SHISAL2B: variants seen among roughly 807,000 people sequenced by gnomAD.
The protein encoded by SHISAL2B is shisa like 2B, also known as protein shisa-like-2B.
Under a neutral mutation model 16.5 loss-of-function variants are expected in SHISAL2B, and 12 were observed. The observed-to-expected ratio is 0.73, with a 90% CI of 0.47 to 1.18. The LOEUF is 1.18. Among genes scored for constraint, SHISAL2B ranks in the 50% most tolerant of loss-of-function variants. The probability of loss-of-function intolerance (pLI) is 0.00; values close to 1 mark genes in which losing one functional copy is unlikely to be tolerated. For synonymous variants in SHISAL2B, 72 were observed against 75.0 expected (o/e 0.96, Z 0.21); for missense variants, 183 against 193.6 (o/e 0.95, Z 0.33).
rs144764877 is a variant in SHISAL2B at position 64,696,041 on chromosome 5, G to A, written c.349+377G>A. Among the ~76,000 whole-genome samples the A allele has an allele frequency of 3.7e-3, 563 of 152,294 alleles. 2 individuals carry two copies. The highest frequency in any genetic ancestry group is 0.012 in the African/African-American group (479 of 41,570). On this transcript the variant is annotated intron_variant, in intron 2 of 2. Transcript: ENST00000389074. ...GTCAGGGACCCTGAACAGAGGGACC[G>A]GCTGGAGCCACAGCAGAGGAACATA...
intron 2 of SHISAL2B, among the ~76,000 whole-genome samples, chr5:64,702,453 G>A (rs1741822924): frequency 6.6e-6 from 1 of 152,112 alleles, no homozygotes; most frequent in African/African-American, 2.4e-5. Context: ...GCCTGCCTTG[G>A]CCTCCCAAAG....
intron 1 of SHISAL2B, among the ~76,000 whole-genome samples, chr5:64,693,076 C>T (rs1267997071): frequency 4.0e-5 from 6 of 151,786 alleles, no homozygotes; most frequent in African/African-American, 1.5e-4. Context: ...GGCGCAATCT[C>T]GGCTCACTGC....
intron 2 of SHISAL2B, among the ~76,000 whole-genome samples, chr5:64,705,263 A>C (rs1272728935): frequency 6.6e-6 from 1 of 152,208 alleles, no homozygotes; most frequent in East Asian, 1.9e-4. Context: ...TGCCAGAGAA[A>C]TATATAATGG....
chr5:64,705,926 A>G (rs980257442), intron 2 of SHISAL2B, among the ~76,000 whole-genome samples: 2 of 152,216 alleles, frequency 1.3e-5, no homozygotes, highest in African/African-American at 4.8e-5. Flanking sequence ...TGGGAGGCAG[A>G]TGCGGGCAGA....
chr5:64,698,681 A>G (rs1045514374), intron 2 of SHISAL2B, among the ~76,000 whole-genome samples: 14 of 152,284 alleles, frequency 9.2e-5, no homozygotes, highest in African/African-American at 3.1e-4. Context: ...CCATTAACAT[A>G]TTATATCCTT....
chr5:64,717,938 T>TCA lies in SHISAL2B; in HGVS notation c.399_400insCA (p.Ala134GlnfsTer13). On this transcript the variant is annotated frameshift_variant, in exon 3 of 3. Coordinates refer to ENST00000389074, the MANE Select transcript of SHISAL2B (RefSeq NM_001164442.2). LOFTEE classifies it high-confidence loss of function. ...CCCTCAATTCAAATGCAGCATCAAA[T>TCA]GCAACAAATGAAACATACTATGAAG... 1 of 1,522,898 alleles carries TCA rather than the reference T, an allele frequency of 6.6e-7. No homozygotes were observed. Among genetic ancestry groups the TCA allele is most frequent in the Non-Finnish European group, 8.7e-7 (1 of 1,143,880 alleles). The allele number at this position is 1,522,898 out of a possible 1,614,324, so 94.3% of individuals were successfully genotyped here. A position where few individuals can be genotyped will look rare whatever the true frequency, so the allele number is the denominator to read the frequency against.
intron 2 of SHISAL2B, among the ~76,000 whole-genome samples, chr5:64,714,731 A>G (rs1319737202): frequency 6.6e-6 from 1 of 152,154 alleles, no homozygotes; most frequent in Non-Finnish European, 1.5e-5. Flanking sequence ...GGTGTGGGAT[A>G]TAGTCTCGTG....
chr5:64,704,470 T>G (rs1011291465), intron 2 of SHISAL2B, among the ~76,000 whole-genome samples: 4 of 152,176 alleles, frequency 2.6e-5, no homozygotes, highest in African/African-American at 7.2e-5. Context: ...TAAAGAAAGG[T>G]TGAAATTTAC....
At chr5:64,703,438 C>G (rs911844994) in intron 2 of SHISAL2B, among the ~76,000 whole-genome samples, 3 of 152,118 alleles carry the variant, frequency 2.0e-5, no homozygotes, top group African/African-American at 7.2e-5. Context: ...TGTAGAAAAT[C>G]AAATTGCTCA....
intron 1 of SHISAL2B, chr5:64,694,208 A>T: frequency 2.5e-6 from 1 of 397,606 alleles, no homozygotes; most frequent in Non-Finnish European, 4.9e-6. Flanking sequence ...AGGTAGATCA[A>T]TTGGCAGTCA....
intron 2 of SHISAL2B, among the ~76,000 whole-genome samples, chr5:64,708,960 T>C (rs1463975998): frequency 6.6e-6 from 1 of 152,026 alleles, no homozygotes; most frequent in Non-Finnish European, 1.5e-5. Flanking sequence ...CTTCTAATAT[T>C]AGCCTAGAGA....
At chr5:64,704,252 A>G (rs1181135009) in intron 2 of SHISAL2B, among the ~76,000 whole-genome samples, 1 of 152,232 alleles carries the variant, frequency 6.6e-6, no homozygotes, top group African/African-American at 2.4e-5. Context: ...GATATTTTGA[A>G]ATGGCAGGCA....
At chr5:64,699,232 G>A (rs530837427) in intron 2 of SHISAL2B, among the ~76,000 whole-genome samples, 39 of 152,138 alleles carry the variant, frequency 2.6e-4, no homozygotes, top group African/African-American at 6.0e-4. Flanking sequence ...AAGATTTTAC[G>A]TGATCAGTGA....
In SHISAL2B at chr5:64,714,721, G is replaced by C. The variant is rs542855034; in HGVS notation, c.350-3168G>C. 4.0e-3 allele frequency among the ~76,000 whole-genome samples: 610 copies of C among 152,334 alleles called. 2 individuals carry two copies. Among genetic ancestry groups the C allele is most frequent in the African/African-American group, 0.014 (567 of 41,586 alleles). On this transcript the variant is annotated intron_variant, in intron 2 of 2. Coordinates refer to ENST00000389074, the MANE Select transcript of SHISAL2B (RefSeq NM_001164442.2). ...CGTGGGCGTAGGACCCTCTGAGCCAGGTGTGGGATATAGTCTCGTGGTGCG... is the reference window on the plus strand; with the variant it reads ...CGTGGGCGTAGGACCCTCTGAGCCACGTGTGGGATATAGTCTCGTGGTGCG...
At chr5:64,714,907 G>A (rs576286054) in intron 2 of SHISAL2B, among the ~76,000 whole-genome samples, 56 of 152,170 alleles carry the variant, frequency 3.7e-4, no homozygotes, top group Non-Finnish European at 5.3e-4. Flanking sequence ...GCTCGTGCAC[G>A]GTGCGTGCAC....
At chr5:64,697,875 C>T (rs1741760945) in intron 2 of SHISAL2B, among the ~76,000 whole-genome samples, 1 of 152,152 alleles carries the variant, frequency 6.6e-6, no homozygotes, top group Non-Finnish European at 1.5e-5. Flanking sequence ...AATACATCAC[C>T]ACTGTGTGAT....
intron 1 of SHISAL2B, chr5:64,691,109 C>A: frequency 5.9e-6 from 2 of 337,300 alleles, no homozygotes; most frequent in Non-Finnish European, 1.1e-5. Flanking sequence ...GCTGAGTTCC[C>A]CGCCCGCCTC....
chr5:64,702,287 G>A (rs1474275141), intron 2 of SHISAL2B, among the ~76,000 whole-genome samples: 4 of 151,820 alleles, frequency 2.6e-5, no homozygotes, highest in African/African-American at 9.7e-5. Flanking sequence ...CGCAACCTCC[G>A]CCTCCCGGGT....
intron 1 of SHISAL2B, among the ~76,000 whole-genome samples, chr5:64,692,713 G>C (rs1741667382): frequency 6.6e-6 from 1 of 152,178 alleles, no homozygotes; most frequent in African/African-American, 2.4e-5. Context: ...AGCAGCTTCA[G>C]ACCCTCTCTC....
Sources: allele counts gnomAD v4.1 joint callset (sites outside exome capture counted in the v4.1 genomes callset), GRCh38; gene constraint gnomAD v4.1.1; transcripts MANE v1.5; gene names NCBI Gene and HGNC (gene_info 2026-07-23, HGNC 2026-07-21).